Variants in ACSL5 observed in about 807,000 individuals in gnomAD.
ACSL5 encodes long-chain-fatty-acid--CoA ligase 5.
In ACSL5, 50 loss-of-function variants were observed where a neutral mutation model predicts 84.9. The observed-to-expected ratio is 0.59, with a 90% confidence interval of 0.47 to 0.75. ACSL5 has a LOEUF of 0.75. Ranked by LOEUF, ACSL5 falls within the 30% of genes least tolerant of loss-of-function variation. The pLI, the probability that ACSL5 is intolerant of heterozygous loss-of-function variation, is 0.00. For missense variants in ACSL5, 775 were observed against 830.4 expected (o/e 0.93, Z 0.82); for synonymous variants, 280 against 300.7 (o/e 0.93, Z 0.71).
At chr10:112,392,568 C>T (rs1276429770) in intron 1 of ACSL5, among the ~76,000 whole-genome samples, 3 of 151,958 alleles carry the variant, frequency 2.0e-5, no homozygotes, top group South Asian at 2.1e-4. Flanking sequence ...AGTGAAACCC[C>T]GTCTCTACTA....
chr10:112,412,031 ATCACATGTTTATT>A, intron 11 of ACSL5, 52 bp downstream of exon 11: 1 of 1,508,948 alleles, frequency 6.6e-7, no homozygotes, highest in African/African-American at 1.4e-5. Context: ...CTGACTTGCT[ATCACATGTTTATT>A]CCAAAGGCAG....
intron 2 of ACSL5, among the ~76,000 whole-genome samples, chr10:112,397,294 C>T (rs1025911100): frequency 3.3e-5 from 5 of 151,772 alleles, no homozygotes; most frequent in African/African-American, 1.2e-4. Context: ...CTCAGCCTCT[C>T]GAGTAGCTGG....
intron 3 of ACSL5, among the ~76,000 whole-genome samples, chr10:112,401,386 A>C (rs1017037434): frequency 2.0e-5 from 3 of 152,218 alleles, no homozygotes; most frequent in African/African-American, 7.2e-5. Flanking sequence ...AATGAAACCT[A>C]AAAATCCTCA....
intron 1 of ACSL5, among the ~76,000 whole-genome samples, chr10:112,386,181 C>CTTT (rs11286757): frequency 3.1e-4 from 22 of 71,838 alleles, no homozygotes; most frequent in East Asian, 4.3e-4. Context: ...TCCTATAGCT[C>CTTT]TTTTTTTTTT....
intron 1 of ACSL5, among the ~76,000 whole-genome samples, chr10:112,381,599 C>T (rs1327257223): frequency 5.0e-5 from 7 of 140,456 alleles, no homozygotes; most frequent in East Asian, 4.8e-4. Flanking sequence ...GCCCTGGAGG[C>T]GGAGGTTGCA....
intron 2 of ACSL5, 51 bp from the exon 3 acceptor site, chr10:112,398,850 A>G (rs1564735290): frequency 6.7e-7 from 1 of 1,493,002 alleles, no homozygotes; most frequent in Non-Finnish European, 9.3e-7. Flanking sequence ...AAGGTTTTGG[A>G]AAGAGTGAGG....
At chr10:112,409,152 C>T (rs1400908556) in intron 6 of ACSL5, 3 of 199,068 alleles carry the variant, frequency 1.5e-5, no homozygotes, top group Non-Finnish European at 3.0e-5. Context: ...CCTATTTGCC[C>T]CCTTCTTTTT....
At chr10:112,425,658 A>C (rs760059329) in intron 18 of ACSL5, 177 bp downstream of exon 18, 94 of 558,428 alleles carry the variant, frequency 1.7e-4, no homozygotes, top group Non-Finnish European at 2.5e-4. Flanking sequence ...CAATTTAAAA[A>C]ATTTCAAAAC....
rs372333507 is a variant in ACSL5 at position 112,405,041 on chromosome 10, A to G, written c.432+235A>G. ...GACTTCTCTTTTTTCTCAGCCTATCATGTGTTTTTTGAAGTCAGTCTGATT... is the reference window on the plus strand; with the variant it reads ...GACTTCTCTTTTTTCTCAGCCTATCGTGTGTTTTTTGAAGTCAGTCTGATT... On this transcript the variant is annotated intron_variant, in intron 5 of 20. Coordinates refer to ENST00000354655, the MANE Select transcript of ACSL5 (RefSeq NM_203379.2). Among the ~76,000 whole-genome samples the G allele has an allele frequency of 1.3e-3, 192 of 152,270 alleles. 1 individual carries two copies. Among genetic ancestry groups the G allele is most frequent in the African/African-American group, 4.4e-3 (183 of 41,554 alleles).
Position 112,421,647 on chromosome 10 carries a change from C to T in ACSL5, c.1369C>T (p.Pro457Ser). 6.2e-7 allele frequency: 1 copy of T among 1,614,092 alleles called. No homozygotes were observed. The highest frequency in any genetic ancestry group is 8.5e-7 in the Non-Finnish European group (1 of 1,179,952). The part of the protein sequence containing the change: ...ECTGGCTFTL[P>S]GDWTSGHVGV... ...CACAGGTGGCTGTACATTTACATTA[C>T]CTGGGGACTGGACATCAGGTAAGTC... Residue 457 changes from proline (P) to serine (S), a missense_variant, in exon 15 of 21, where the codon CCT (proline) becomes TCT (serine). Coordinates refer to ENST00000354655, the MANE Select transcript of ACSL5 (RefSeq NM_203379.2).
At chr10:112,389,654 C>T (rs977416320) in intron 1 of ACSL5, among the ~76,000 whole-genome samples, 27 of 152,076 alleles carry the variant, frequency 1.8e-4, no homozygotes, top group African/African-American at 6.5e-4. Flanking sequence ...AGTGACTAAA[C>T]CAGAGCTGTA....
Position 112,409,667 on chromosome 10 carries a change from A to G in ACSL5, c.693A>G (p.Leu231=). 1 of 1,614,174 alleles carries G rather than the reference A, an allele frequency of 6.2e-7. No homozygotes were observed. Among genetic ancestry groups the G allele is most frequent in the South Asian group, 1.1e-5 (1 of 91,078 alleles). ...GGGAGAAGAGTGGAATTGAGATCTT[A>G]TCCCTATATGATGCTGAGGTATGGA... ...QRGEKSGIEI[L]SLYDAENLGK... The change falls in exon 7 of 21, where the codon TTA becomes TTG. Residue 231 remains leucine (L), a synonymous_variant. Transcript: ENST00000354655.
chr10:112,407,734 T>G (rs1844077385), intron 5 of ACSL5, among the ~76,000 whole-genome samples: 1 of 152,122 alleles, frequency 6.6e-6, no homozygotes, highest in African/African-American at 2.4e-5. Context: ...TACCTCTACC[T>G]CCATAACCAA....
intron 12 of ACSL5, 91 bp downstream of exon 12, chr10:112,413,398 C>T: frequency 6.9e-7 from 1 of 1,441,384 alleles, no homozygotes; most frequent in Non-Finnish European, 9.6e-7. Flanking sequence ...CCTCTACCTC[C>T]ACCCTCTACA....
At chr10:112,425,731 A>G (rs1844653664) in intron 18 of ACSL5, 1 of 354,980 alleles carries the variant, frequency 2.8e-6, no homozygotes, top group African/African-American at 2.1e-5. Context: ...AAAGGTAATG[A>G]TTCAGTAAAA....
At chr10:112,420,430 G>C (rs1001803915) in intron 14 of ACSL5, among the ~76,000 whole-genome samples, 3 of 152,156 alleles carry the variant, frequency 2.0e-5, no homozygotes, top group African/African-American at 7.2e-5. Flanking sequence ...ATGGACTGTG[G>C]CTGCTTTTGT....
chr10:112,405,143 G>A (rs945934265), intron 5 of ACSL5, among the ~76,000 whole-genome samples: 2 of 152,180 alleles, frequency 1.3e-5, no homozygotes, highest in Non-Finnish European at 2.9e-5. Flanking sequence ...GTATGTATTA[G>A]TATTAGAACT....
chr10:112,414,508 C>T (rs1373902366), intron 12 of ACSL5, among the ~76,000 whole-genome samples: 1 of 151,920 alleles, frequency 6.6e-6, no homozygotes, highest in Non-Finnish European at 1.5e-5. Flanking sequence ...GCGTGCACTA[C>T]CACACCCAGC....
At chr10:112,412,630 A>G (rs1234543988) in intron 11 of ACSL5, 2 of 152,712 alleles carry the variant, frequency 1.3e-5, no homozygotes. Context: ...TGCCTCTTCA[A>G]CAAGCTCATG....
Sources: gnomAD v4.1 joint callset for allele counts (sites outside exome capture counted in the v4.1 genomes callset) on GRCh38, gnomAD v4.1.1 for gene constraint, MANE v1.5 for transcripts, NCBI Gene and HGNC (gene_info 2026-07-23, HGNC 2026-07-21) for gene names.